Variants in OPCML observed in about 807,000 individuals in gnomAD.
OPCML encodes opioid binding protein/cell adhesion molecule like.
Under a neutral mutation model 37.8 loss-of-function variants are expected in OPCML, and 13 were observed. The ratio of observed to expected loss-of-function variants is 0.34; its 90% CI spans 0.22 to 0.55. The LOEUF (loss-of-function observed/expected upper bound fraction) is 0.55, where lower values mean the gene tolerates loss of function less well. OPCML is among the 20% of genes least tolerant of loss of function. The pLI is 0.91. For missense variants in OPCML, 341 were observed against 435.6 expected (o/e 0.78, Z 1.93); for synonymous variants, 176 against 168.8 (o/e 1.04, Z -0.33).
chr11:133,231,523 T>A (rs1318023505), intron 1 of OPCML, among the ~76,000 whole-genome samples: 1 of 152,132 alleles, frequency 6.6e-6, no homozygotes, highest in Non-Finnish European at 1.5e-5. Flanking sequence ...TCTCCTGAGA[T>A]CCCAAGTTGA....
chr11:133,024,627 A>G, intron 1 of OPCML: 1 of 945,116 alleles, frequency 1.1e-6, no homozygotes, highest in Non-Finnish European at 1.3e-6. Flanking sequence ...CATGTCAAGC[A>G]AGTCTCAGAC....
chr11:132,921,677 G>A (rs1944807600), intron 2 of OPCML, among the ~76,000 whole-genome samples: 1 of 152,124 alleles, frequency 6.6e-6, no homozygotes, highest in African/African-American at 2.4e-5. Context: ...GAGAAATTCT[G>A]GAGAAATTTT....
intron 2 of OPCML, among the ~76,000 whole-genome samples, chr11:132,674,311 G>A (rs1286323262): frequency 6.6e-6 from 1 of 152,180 alleles, no homozygotes; most frequent in Non-Finnish European, 1.5e-5. Flanking sequence ...TCCAGGGAAA[G>A]GAAATCCAAA....
intron 1 of OPCML, among the ~76,000 whole-genome samples, chr11:133,077,216 A>G (rs745977403): frequency 3.3e-5 from 5 of 151,862 alleles, no homozygotes; most frequent in Admixed American, 6.6e-5. Flanking sequence ...GGTTTGGCCA[A>G]GGGAATCTGG....
intron 2 of OPCML, among the ~76,000 whole-genome samples, chr11:132,873,661 T>G (rs540441446): frequency 6.7e-6 from 1 of 149,366 alleles, no homozygotes; most frequent in East Asian, 2.0e-4. Context: ...TCATGACAAG[T>G]TGTATAAAGA....
chr11:133,299,619 A>C (rs981046361), intron 1 of OPCML: 1 of 152,254 alleles, frequency 6.6e-6, no homozygotes, highest in African/African-American at 2.4e-5. Context: ...TGAGACAAGC[A>C]TACCTGAAAT....
At chr11:133,241,272 C>T (rs192290486) in intron 1 of OPCML, among the ~76,000 whole-genome samples, 162 of 152,358 alleles carry the variant, frequency 1.1e-3, no homozygotes, top group African/African-American at 3.7e-3. Flanking sequence ...TTTTCTATCA[C>T]TTCCACATTG....
chr11:133,273,574 T>C (rs778149986), intron 1 of OPCML, among the ~76,000 whole-genome samples: 8 of 152,198 alleles, frequency 5.3e-5, no homozygotes, highest in African/African-American at 9.7e-5. Flanking sequence ...TTTTTTTCTT[T>C]TGGCAAAAAC....
chr11:133,175,414 G>A (rs1051936612), intron 1 of OPCML, among the ~76,000 whole-genome samples: 12 of 150,270 alleles, frequency 8.0e-5, no homozygotes, highest in South Asian at 2.1e-4. Context: ...TTATTTATTC[G>A]TGTTATTAAA....
At chr11:133,128,444 T>C (rs1266362410) in intron 1 of OPCML, among the ~76,000 whole-genome samples, 1 of 152,174 alleles carries the variant, frequency 6.6e-6, no homozygotes, top group East Asian at 1.9e-4. Flanking sequence ...GGCTTCCTTT[T>C]ATTCCTTTTG....
intron 1 of OPCML, among the ~76,000 whole-genome samples, chr11:133,253,688 T>C (rs1280354910): frequency 6.6e-6 from 1 of 152,200 alleles, no homozygotes; most frequent in Non-Finnish European, 1.5e-5. Flanking sequence ...TGCTATTATA[T>C]CACTTAAAAT....
intron 7 of OPCML, among the ~76,000 whole-genome samples, chr11:132,421,903 A>G (rs2095960583): frequency 1.3e-5 from 2 of 152,078 alleles, no homozygotes; most frequent in South Asian, 4.1e-4. Flanking sequence ...TTCTCTACAT[A>G]TTGTCTTTGA....
chr11:132,652,309 C>A (rs1227812461), intron 3 of OPCML, among the ~76,000 whole-genome samples: 2 of 151,430 alleles, frequency 1.3e-5, no homozygotes, highest in African/African-American at 4.9e-5. Flanking sequence ...TCCTCAATTT[C>A]TGTTGCTACA....
intron 1 of OPCML, among the ~76,000 whole-genome samples, chr11:133,068,411 G>C (rs1450679142): frequency 6.6e-6 from 1 of 152,214 alleles, no homozygotes; most frequent in Admixed American, 6.5e-5. Flanking sequence ...AAATGGTAAA[G>C]GGGAAGGCCT....
intron 1 of OPCML, among the ~76,000 whole-genome samples, chr11:133,476,128 G>A (rs932752010): frequency 6.6e-6 from 1 of 152,190 alleles, no homozygotes; most frequent in Non-Finnish European, 1.5e-5. Context: ...GGAGACCAAG[G>A]CATGTCTGGA....
chr11:133,158,727 T>TAAAATAAAAG (rs1950101475), intron 1 of OPCML, among the ~76,000 whole-genome samples: 1 of 147,320 alleles, frequency 6.8e-6, no homozygotes, highest in Admixed American at 6.8e-5. Context: ...TAAAATAAAA[T>TAAAATAAAAG]AAAATAAAAT....
intron 1 of OPCML, among the ~76,000 whole-genome samples, chr11:132,976,087 G>C (rs1946457189): frequency 6.6e-6 from 1 of 152,166 alleles, no homozygotes; most frequent in Admixed American, 6.5e-5. Flanking sequence ...ATCTGCTTTT[G>C]ACTCTTCTTC....
chr11:132,729,969 G>T (rs1265055588), intron 2 of OPCML, among the ~76,000 whole-genome samples: 1 of 150,926 alleles, frequency 6.6e-6, no homozygotes, highest in Non-Finnish European at 1.5e-5. Flanking sequence ...CTTGAGAAAA[G>T]GGTTCGGATT....
At chr11:132,955,708 C>A (rs1945963610) in intron 1 of OPCML, among the ~76,000 whole-genome samples, 1 of 151,918 alleles carries the variant, frequency 6.6e-6, no homozygotes, top group Admixed American at 6.6e-5. Flanking sequence ...ATGGTGAAAC[C>A]CCACCTCAAC....
Sources: gnomAD v4.1 joint callset for allele counts (sites outside exome capture counted in the v4.1 genomes callset) on GRCh38, gnomAD v4.1.1 for gene constraint, MANE v1.5 for transcripts, NCBI Gene and HGNC (gene_info 2026-07-23, HGNC 2026-07-21) for gene names.